HIVEP2: variants seen among roughly 807,000 people sequenced by gnomAD.
The protein encoded by HIVEP2 is HIVEP zinc finger 2.
A neutral mutation model predicts 180.7 loss-of-function variants in HIVEP2; 14 were observed. That is an observed-to-expected ratio of 0.08 (90% CI 0.05 to 0.12). HIVEP2 has a LOEUF of 0.12. HIVEP2 is among the 10% of genes least tolerant of loss of function. The probability of loss-of-function intolerance (pLI) is 1.00; values close to 1 mark genes in which losing one functional copy is unlikely to be tolerated. For missense variants in HIVEP2, 2,579 were observed against 3,008.5 expected (o/e 0.86, Z 3.34); for synonymous variants, 1,184 against 1,136.4 (o/e 1.04, Z -0.84).
At chr6:142,902,332 A>G (rs1307844297) in intron 1 of HIVEP2, among the ~76,000 whole-genome samples, 1 of 152,170 alleles carries the variant, frequency 6.6e-6, no homozygotes, top group Non-Finnish European at 1.5e-5. Context: ...CCCAAAACCC[A>G]TAAGCCCAGA....
chr6:142,809,564 C>A (rs1008493791), intron 2 of HIVEP2, among the ~76,000 whole-genome samples: 2 of 143,770 alleles, frequency 1.4e-5, no homozygotes, highest in South Asian at 4.7e-4. Flanking sequence ...AAGTACTTAG[C>A]TAATATTCTG....
intron 9 of HIVEP2, among the ~76,000 whole-genome samples, chr6:142,754,547 A>G (rs997922422): frequency 6.6e-6 from 1 of 152,226 alleles, no homozygotes; most frequent in Non-Finnish European, 1.5e-5. Context: ...ATTCCTGCTA[A>G]GAGATACTCA....
intron 1 of HIVEP2, among the ~76,000 whole-genome samples, chr6:142,925,057 T>C (rs879884205): frequency 6.6e-6 from 1 of 152,142 alleles, no homozygotes; most frequent in Admixed American, 6.5e-5. Flanking sequence ...TTAAATCTTA[T>C]AGAGAGTAAA....
Position 142,753,920 on chromosome 6 carries a change from T to A in HIVEP2, c.6528A>T (p.Arg2176Ser). ...TGAAGTAAGGAACCTGAGGTAATCC[T>A]CTTCTTAAATTCTGCGCAGAGAAAC... ...PIVLGPPNLRRGLPQVPYFSL... is the reference protein window; with the variant it reads ...PIVLGPPNLRSGLPQVPYFSL... Residue 2176 changes from arginine to serine, a missense_variant, in exon 10 of 10, where the codon AGA becomes AGT. Around this residue, in one of 11 missense-constraint regions of HIVEP2, gnomAD observed 660 missense variants for 731.7 expected, o/e 0.90. Transcript: ENST00000367603. 1 of 1,577,386 alleles carries A rather than the reference T, an allele frequency of 6.3e-7. No individual in the cohort carries two copies. The highest frequency in any genetic ancestry group is 8.7e-7 in the Non-Finnish European group (1 of 1,155,384).
intron 2 of HIVEP2, among the ~76,000 whole-genome samples, chr6:142,804,049 A>G (rs1257932471): frequency 6.6e-6 from 1 of 152,190 alleles, no homozygotes; most frequent in African/African-American, 2.4e-5. Context: ...GCAAGTCTAC[A>G]ATGACACAGT....
rs942234426 is a variant in HIVEP2 at position 142,943,586 on chromosome 6, A to T, written c.-641+1513T>A. Among the ~76,000 whole-genome samples the T allele has an allele frequency of 4.6e-5, 7 of 152,196 alleles. No individual in the cohort carries two copies. The highest frequency in any genetic ancestry group is 1.7e-4 in the African/African-American group (7 of 41,448). The stretch of plus-strand genomic sequence containing the variant: ...CTCTGGGTATGCTAGAAAAACACAG[A>T]TCTCTTGTGAATTATTGAGGTCCAG... On this transcript the variant is annotated intron_variant, in intron 1 of 9. Transcript: ENST00000367603. This position sits in a 1 kb window ranked among gnomAD's most constrained non-coding sequence, Gnocchi z 4.5.
At chr6:142,780,022 A>G (rs1030119386) in intron 3 of HIVEP2, among the ~76,000 whole-genome samples, 6 of 152,214 alleles carry the variant, frequency 3.9e-5, no homozygotes, top group Non-Finnish European at 8.8e-5. Flanking sequence ...AAAAAGTCTT[A>G]TCTATCACTT....
At chr6:142,890,105 T>C (rs1301654581) in intron 1 of HIVEP2, among the ~76,000 whole-genome samples, 6 of 152,224 alleles carry the variant, frequency 3.9e-5, no homozygotes, top group African/African-American at 1.4e-4. Flanking sequence ...TATGTCTTCA[T>C]TTTTGTTAAT....
chr6:142,769,479 T>C, intron 5 of HIVEP2, 73 bp downstream of exon 5: 6 of 1,312,724 alleles, frequency 4.6e-6, no homozygotes, highest in South Asian at 1.4e-5. Context: ...TTAGGCCTTA[T>C]ATCCTTCACT....
Position 142,753,456 on chromosome 6 carries a change from T to C in HIVEP2, c.6992A>G (p.Lys2331Arg), listed in dbSNP as rs747010159. Residue 2331 changes from lysine (K) to arginine (R), a missense_variant, in exon 10 of 10, where the codon AAA becomes AGA. Coordinates refer to ENST00000367603, the MANE Select transcript of HIVEP2 (RefSeq NM_006734.4). ...GGCAATCCGGAGAGAGGCAATGGCT[T>C]TTGTACAAGTCTGTATATTTTCCTC... Reference protein sequence around the residue: ...EQEENIQTCTKAIASLRIATE... With the variant: ...EQEENIQTCTRAIASLRIATE... The C allele has an allele frequency of 6.2e-7, 1 of 1,613,940 alleles. No individual in the cohort carries two copies. The highest frequency in any genetic ancestry group is 1.1e-5 in the South Asian group (1 of 91,084).
rs1047071930 is a variant in HIVEP2 at position 142,783,536 on chromosome 6, C to CA, written c.-449dup. 1.3e-5 allele frequency: 2 copies of CA among 152,014 alleles called. No individual in the cohort carries two copies. Among genetic ancestry groups the CA allele is most frequent in the Non-Finnish European group, 2.9e-5 (2 of 67,986 alleles). The allele number at this position is 152,014 out of a possible 1,614,324, so 9.4% of individuals were successfully genotyped here. A position where few individuals can be genotyped will look rare whatever the true frequency, so the allele number is the denominator to read the frequency against. Reference sequence around the variant, plus strand: ...AGTTATTAACCTGTTATCCTCATATCAAAAAACTGCATCACAACCGTCTTT... The same window carrying CA: ...AGTTATTAACCTGTTATCCTCATATCAAAAAAACTGCATCACAACCGTCTTT... On this transcript the variant is annotated 5_prime_UTR_variant, in exon 3 of 10. It introduces an in-frame stop codon into an upstream open reading frame of the 5' UTR. Coordinates refer to ENST00000367603, the MANE Select transcript of HIVEP2 (RefSeq NM_006734.4).
chr6:142,787,301 C>A (rs949004756), intron 2 of HIVEP2, among the ~76,000 whole-genome samples: 1 of 151,862 alleles, frequency 6.6e-6, no homozygotes, highest in Non-Finnish European at 1.5e-5. Context: ...TTCTTATAAA[C>A]TCAATGGAAA....
In HIVEP2 at chr6:142,772,151, G is replaced by C. The variant is rs552555328; in HGVS notation, c.2588C>G (p.Pro863Arg). 1.2e-6 allele frequency: 2 copies of C among 1,614,076 alleles called. No homozygotes were observed. The highest frequency in any genetic ancestry group is 4.5e-5 in the East Asian group (2 of 44,888). The stretch of plus-strand genomic sequence containing the variant: ...CTGCTGCACCTGCTGAGATGGAGAG[G>C]GTTTCCCCCCACTTTCTGCACCATC... ...PGDGAESGGK[P>R]SPSQQVQQQS... Residue 863 changes from proline (P) to arginine (R), a missense_variant, in exon 5 of 10, where the codon CCC becomes CGC. By Grantham distance (103) the Pro-to-Arg change is moderately radical (BLOSUM62 -2). Around this residue, in one of 11 missense-constraint regions of HIVEP2, gnomAD observed 524 missense variants for 563.6 expected, o/e 0.93. Coordinates refer to ENST00000367603, the MANE Select transcript of HIVEP2 (RefSeq NM_006734.4). The surrounding 1 kb of genome is among the most constrained non-coding windows in gnomAD (Gnocchi z 4.9).
rs1562509688 is a variant in HIVEP2, at chr6:142,774,061, G to A, written c.678C>T (p.Phe226=). ...PYPCIPCGFS[F]KTKSNLYKHR... ...GCTTGTACAAATTGCTCTTTGTCTT[G>A]AAAGAGAAACCACAAGGTATACATG... is the stretch of plus-strand genomic sequence containing the variant. Residue 226 remains phenylalanine, a synonymous_variant, in exon 5 of 10, where the codon TTC becomes TTT. Transcript: ENST00000367603. The surrounding 1 kb of genome is among the most constrained non-coding windows in gnomAD (Gnocchi z 5.1). 1.2e-6 allele frequency: 2 copies of A among 1,614,064 alleles called. No homozygotes were observed. The highest frequency in any genetic ancestry group is 2.7e-5 in the African/African-American group (2 of 74,918).
intron 1 of HIVEP2, among the ~76,000 whole-genome samples, chr6:142,871,028 G>A (rs1481726185): frequency 5.3e-5 from 8 of 152,072 alleles, no homozygotes; most frequent in Admixed American, 1.3e-4. Flanking sequence ...CACTGAAAGC[G>A]GGACCAGTGA....
intron 2 of HIVEP2, among the ~76,000 whole-genome samples, chr6:142,784,980 C>A (rs528857319): frequency 2.0e-5 from 3 of 151,968 alleles, no homozygotes; most frequent in African/African-American, 7.3e-5. Context: ...CTCTGCCTCC[C>A]GGGTTCACGC....
chr6:142,931,743 G>A (rs1004518273), intron 1 of HIVEP2, among the ~76,000 whole-genome samples: 9 of 151,990 alleles, frequency 5.9e-5, no homozygotes, highest in African/African-American at 1.7e-4. Flanking sequence ...TTATCTGTTC[G>A]TTTCATTTCA....
At chr6:142,896,865 A>T (rs1777008992) in intron 1 of HIVEP2, among the ~76,000 whole-genome samples, 1 of 152,232 alleles carries the variant, frequency 6.6e-6, no homozygotes, top group South Asian at 2.1e-4. Context: ...ACATATAAAC[A>T]GGTTCACAAT....
intron 1 of HIVEP2, among the ~76,000 whole-genome samples, chr6:142,880,258 A>G (rs1364477168): frequency 6.6e-6 from 1 of 152,224 alleles, no homozygotes; most frequent in East Asian, 1.9e-4. Context: ...GACATTTCAG[A>G]TATTCACCCT....
Sources: allele counts gnomAD v4.1 joint callset (sites outside exome capture counted in the v4.1 genomes callset), GRCh38; gene constraint gnomAD v4.1.1; regional missense constraint gnomAD v4.1.1; non-coding constraint Gnocchi (gnomAD v3.1); transcripts MANE v1.5; gene names NCBI Gene and HGNC (gene_info 2026-07-23, HGNC 2026-07-21).